The following NEK1 variants were observed in gnomAD, a reference collection of about 807,000 sequenced individuals.
NEK1 encodes the protein serine/threonine-protein kinase Nek1.
Under a neutral mutation model 182.1 loss-of-function variants are expected in NEK1, and 137 were observed. The ratio of observed to expected loss-of-function variants is 0.75; its 90% CI spans 0.65 to 0.87. The LOEUF is 0.87. Ranked by LOEUF, NEK1 falls within the 40% of genes least tolerant of loss-of-function variation. The pLI, the probability that NEK1 is intolerant of heterozygous loss-of-function variation, is 0.00. For missense variants in NEK1, 1,391 were observed against 1,494.4 expected, an observed-to-expected ratio of 0.93 and a Z score of 1.14; for synonymous variants, 513 against 492.2, an observed-to-expected ratio of 1.04 and a Z score of -0.56.
rs1259948868 is a variant in NEK1 at position 169,580,884 on chromosome 4, A to G, written c.826T>C (p.Cys276Arg). The G allele has an allele frequency of 6.5e-7, 1 of 1,532,836 alleles. No individual in the cohort carries two copies. Among genetic ancestry groups the G allele is most frequent in the South Asian group, 1.2e-5 (1 of 81,126 alleles). The allele number at this position is 1,532,836 out of a possible 1,614,324, so 95.0% of individuals were successfully genotyped here. The change falls in exon 11 of 36, where the codon TGT becomes CGT. Residue 276 changes from cysteine to arginine, a missense_variant. Transcript: ENST00000507142. ...LSPQLIAEEFCLKTFSKFGSQ... is the reference protein window; with the variant it reads ...LSPQLIAEEFRLKTFSKFGSQ... Reference sequence around the variant, plus strand: ...CCAAACTTCGAAAATGTTTTTAGACAAAATTCTTCTGCAATAAGCTGAGAT... The same window carrying G: ...CCAAACTTCGAAAATGTTTTTAGACGAAATTCTTCTGCAATAAGCTGAGAT...
At chr4:169,498,656 A>G (rs2149654609) in intron 23 of NEK1, among the ~76,000 whole-genome samples, 1 of 152,074 alleles carries the variant, frequency 6.6e-6, no homozygotes, top group East Asian at 1.9e-4. Context: ...TTTCTCCTTC[A>G]CTTATGAAGC....
intron 29 of NEK1, 74 bp from the exon 30 acceptor site, chr4:169,426,308 G>A: frequency 8.3e-7 from 1 of 1,206,356 alleles, no homozygotes; most frequent in African/African-American, 1.5e-5. Flanking sequence ...CTAAAATACA[G>A]GAAATGGAAC....
intron 18 of NEK1, among the ~76,000 whole-genome samples, chr4:169,551,072 T>A (rs952011656): frequency 6.6e-6 from 1 of 152,246 alleles, no homozygotes; most frequent in Non-Finnish European, 1.5e-5. Flanking sequence ...AATTAAATAT[T>A]AGTTGCTACC....
At chr4:169,495,909 C>T (rs577877609) in intron 23 of NEK1, among the ~76,000 whole-genome samples, 2 of 152,134 alleles carry the variant, frequency 1.3e-5, no homozygotes, top group East Asian at 3.9e-4. Flanking sequence ...TCCATGTGAA[C>T]TTTAAAGTAG....
chr4:169,579,218 G>A (rs899916234), intron 11 of NEK1, among the ~76,000 whole-genome samples: 1 of 152,298 alleles, frequency 6.6e-6, no homozygotes, highest in Middle Eastern at 3.4e-3. Flanking sequence ...GTATTTATCA[G>A]TAATACTACT....
chr4:169,443,098 T>TCTATCTAC (rs1739827615), intron 27 of NEK1, among the ~76,000 whole-genome samples: 1 of 150,538 alleles, frequency 6.6e-6, no homozygotes, highest in South Asian at 2.1e-4. Flanking sequence ...TATCTATCTA[T>TCTATCTAC]CTATCTCATA....
chr4:169,602,198 T>TA, intron 3 of NEK1, 94 bp from the exon 4 acceptor site: 1 of 842,836 alleles, frequency 1.2e-6, no homozygotes. Flanking sequence ...ATAATAGTAT[T>TA]AATACAGTTC....
intron 31 of NEK1, among the ~76,000 whole-genome samples, chr4:169,408,788 C>T (rs1733095855): frequency 6.6e-6 from 1 of 152,240 alleles, no homozygotes; most frequent in Non-Finnish European, 1.5e-5. Context: ...CAAGTTGCTG[C>T]AAAAGACATT....
chr4:169,596,948 C>T (rs2150120633), intron 5 of NEK1, among the ~76,000 whole-genome samples: 1 of 152,104 alleles, frequency 6.6e-6, no homozygotes, highest in South Asian at 2.1e-4. Context: ...ATACAAATCT[C>T]CATAATAATT....
At chr4:169,496,895 G>C (rs567644279) in intron 23 of NEK1, among the ~76,000 whole-genome samples, 40 of 152,244 alleles carry the variant, frequency 2.6e-4, no homozygotes, top group African/African-American at 9.2e-4. Context: ...CCAGGCTTTG[G>C]TATCAGGATG....
At position 169,463,273 on chromosome 4, in the gene NEK1, C is replaced by T. The variant is rs1744309390; in HGVS notation, c.2557G>A (p.Glu853Lys). The change falls in exon 27 of 36, where the codon GAA (glutamate) becomes AAA (lysine). Residue 853 changes from glutamate (E) to lysine (K), a missense_variant. By Grantham distance (56) the Glu-to-Lys change is moderately conservative (BLOSUM62 1). Transcript: ENST00000507142. ...CTAATAGTTGTATTTTCTAATAGTT[C>T]TGTCTGAAGTTGTAGTTCAGCTTCT... ...LGEAELQLQT[E>K]LLENTTIRSE... 6.3e-7 allele frequency: 1 copy of T among 1,584,996 alleles called. No individual in the cohort carries two copies. The highest frequency in any genetic ancestry group is 1.4e-5 in the African/African-American group (1 of 74,040).
At chr4:169,538,280 TAGC>T (rs1173422744) in intron 18 of NEK1, among the ~76,000 whole-genome samples, 1 of 152,110 alleles carries the variant, frequency 6.6e-6, no homozygotes, top group East Asian at 1.9e-4. Context: ...ATAAGAATCT[TAGC>T]AGCGAAGTCA....
intron 19 of NEK1, among the ~76,000 whole-genome samples, chr4:169,533,865 G>A (rs1368679094): frequency 6.6e-6 from 1 of 152,198 alleles, no homozygotes; most frequent in Non-Finnish European, 1.5e-5. Context: ...CCCTAGAATT[G>A]AAGATAAGTA....
intron 26 of NEK1, among the ~76,000 whole-genome samples, chr4:169,474,190 C>T (rs760782540): frequency 9.7e-4 from 147 of 152,200 alleles, no homozygotes; most frequent in Non-Finnish European, 1.7e-3. Flanking sequence ...AGAAGTAGTT[C>T]TAGTGAACTA....
chr4:169,397,783 G>A (rs1730971039), intron 35 of NEK1, among the ~76,000 whole-genome samples: 1 of 152,170 alleles, frequency 6.6e-6, no homozygotes, highest in African/African-American at 2.4e-5. Flanking sequence ...AAAAGAGGGT[G>A]TCAATTCTAC....
chr4:169,443,092 T>TA (rs1284540792), intron 27 of NEK1, among the ~76,000 whole-genome samples: 1 of 150,616 alleles, frequency 6.6e-6, no homozygotes, highest in Non-Finnish European at 1.5e-5. Context: ...TCTATCTATC[T>TA]ATCTATCTAT....
chr4:169,589,450 T>C lies in NEK1; in HGVS notation c.461A>G (p.Asn154Ser), dbSNP rs1400323329. ...CAAAGTTTAAAATTCATGTTACCTA[T>C]TAAGAACTCTAGCAATTCCAAAATC... ...LGDFGIARVLNSTVELARTCI... is the reference protein window; with the variant it reads ...LGDFGIARVLSSTVELARTCI... The change falls in exon 7 of 36, where the codon AAT (asparagine) becomes AGT (serine). Residue 154 changes from asparagine to serine, a missense_variant. Asn to Ser is a conservative substitution (Grantham distance 46, BLOSUM62 1). Transcript: ENST00000507142. 6.7e-7 allele frequency: 1 copy of C among 1,487,350 alleles called. No homozygotes were observed. Among genetic ancestry groups the C allele is most frequent in the Non-Finnish European group, 9.1e-7 (1 of 1,094,292 alleles). The allele number at this position is 1,487,350 out of a possible 1,614,324, so 92.1% of individuals were successfully genotyped here.
At chr4:169,578,926 A>G (rs1207642886) in intron 11 of NEK1, among the ~76,000 whole-genome samples, 1 of 152,222 alleles carries the variant, frequency 6.6e-6, no homozygotes, top group South Asian at 2.1e-4. Flanking sequence ...TCAACAGTAC[A>G]ATCAAATTAG....
intron 32 of NEK1, among the ~76,000 whole-genome samples, chr4:169,404,839 ATCACTCCTTACAGCTC>A (rs1732308232): frequency 6.6e-6 from 1 of 152,062 alleles, no homozygotes; most frequent in Admixed American, 6.6e-5. Flanking sequence ...CTAAGGGGTT[ATCACTCCTTACAGCTC>A]TCAGAGGTAT....
Sources: allele counts gnomAD v4.1 joint callset (sites outside exome capture counted in the v4.1 genomes callset), GRCh38; gene constraint gnomAD v4.1.1; transcripts MANE v1.5; gene names NCBI Gene and HGNC (gene_info 2026-07-23, HGNC 2026-07-21).